The following NR2E1 variants were observed in gnomAD, a reference collection of about 807,000 sequenced individuals.
NR2E1 encodes the protein nuclear receptor subfamily 2 group E member 1, also known as nuclear receptor TLX.
NR2E1 carries 5 observed loss-of-function variants against 43.6 expected under a neutral mutation model. That is an observed-to-expected ratio of 0.11 (90% CI 0.06 to 0.24). The LOEUF (loss-of-function observed/expected upper bound fraction) is 0.24. NR2E1 is among the 10% of genes least tolerant of loss of function. The pLI, the probability that NR2E1 is intolerant of heterozygous loss-of-function variation, is 1.00. For missense variants in NR2E1, 287 were observed against 496.7 expected, an observed-to-expected ratio of 0.58 and a Z score of 4.01; for synonymous variants, 191 against 195.5, an observed-to-expected ratio of 0.98 and a Z score of 0.19.
chr6:108,167,099 C>T (rs1449681692), intron 1 of NR2E1, among the ~76,000 whole-genome samples: 1 of 152,038 alleles, frequency 6.6e-6, no homozygotes, highest in African/African-American at 2.4e-5. Context: ...ATGGGGGGGC[C>T]ATGGGGGCGG....
At chr6:108,185,563 G>A (rs758904058) in intron 8 of NR2E1, among the ~76,000 whole-genome samples, 1 of 152,024 alleles carries the variant, frequency 6.6e-6, no homozygotes, top group South Asian at 2.1e-4. Context: ...GGTGCCCAGC[G>A]AATTTTTGTA....
chr6:108,171,386 T>C, intron 1 of NR2E1, 72 bp from the exon 2 acceptor site: 1 of 1,530,260 alleles, frequency 6.5e-7, no homozygotes, highest in Non-Finnish European at 9.1e-7. Flanking sequence ...CCCTCTCCCC[T>C]TTTCTCCCTC....
At chr6:108,168,258 G>A (rs383319) in intron 1 of NR2E1, 828,807 of 1,313,690 alleles carry the variant, frequency 0.63, 266,550 homozygotes, top group African/African-American at 0.86. Flanking sequence ...CTGAGCCTCC[G>A]TTGCAAAAAC....
chr6:108,174,789 C>T (rs1773869613), intron 2 of NR2E1, 47 bp from the exon 3 acceptor site: 1 of 1,554,340 alleles, frequency 6.4e-7, no homozygotes, highest in African/African-American at 1.4e-5. Context: ...TCCGGGTCTC[C>T]AGCCTAAAGG....
chr6:108,171,519 G>A lies in NR2E1; in HGVS notation c.87G>A (p.Gly29=), dbSNP rs755411423. The A allele has an allele frequency of 2.5e-6, 4 of 1,614,012 alleles. No homozygotes were observed. The highest frequency in any genetic ancestry group is 1.6e-4 in the Middle Eastern group (1 of 6,062). Residue 29 remains glycine (G), a synonymous_variant, in exon 2 of 9, where the codon GGG becomes GGA. Transcript: ENST00000368986. ...ACCGCAGCTCGGGGAAGCACTACGGGGTCTACGCCTGCGACGGCTGCTCAG... is the reference window on the plus strand; with the variant it reads ...ACCGCAGCTCGGGGAAGCACTACGGAGTCTACGCCTGCGACGGCTGCTCAG... ...CGDRSSGKHY[G]VYACDGCSGF...
Position 108,169,976 on chromosome 6 carries a change from C to T in NR2E1, c.26-1482C>T, listed in dbSNP as rs553529352. On this transcript the variant is annotated intron_variant, in intron 1 of 8. Transcript: ENST00000368986. This position sits in a 1 kb window ranked among gnomAD's most constrained non-coding sequence, Gnocchi z 6.1. ...CCTCACCCCCAAGCACGGTCCCCCG[C>T]GCTCTCCTTCCCCCACCCCCTCCAC... is the stretch of plus-strand genomic sequence containing the variant. Among the ~76,000 whole-genome samples, 1 of 151,644 alleles carries T rather than the reference C, an allele frequency of 6.6e-6. No homozygotes were observed. The highest frequency in any genetic ancestry group is 1.5e-5 in the Non-Finnish European group (1 of 67,876).
intron 3 of NR2E1, 55 bp from the exon 4 acceptor site, chr6:108,176,448 G>T: frequency 7.7e-6 from 12 of 1,553,066 alleles, no homozygotes; most frequent in East Asian, 2.3e-5. Flanking sequence ...AGCCGCAGCG[G>T]CTGTGTCTCG....
chr6:108,168,115 C>G (rs1230805815), intron 1 of NR2E1: 1 of 1,603,774 alleles, frequency 6.2e-7, no homozygotes, highest in Non-Finnish European at 8.5e-7. Flanking sequence ...CTGGGTTTCC[C>G]TTTAGGCTCG....
chr6:108,167,643 G>A (rs537183052), intron 1 of NR2E1, among the ~76,000 whole-genome samples: 1 of 152,262 alleles, frequency 6.6e-6, no homozygotes, highest in South Asian at 2.1e-4. Context: ...GATCTCCCGG[G>A]GGCATTTCAG....
intron 4 of NR2E1, 112 bp from the exon 5 acceptor site, chr6:108,177,983 C>T (rs1262619587): frequency 2.5e-6 from 3 of 1,176,666 alleles, no homozygotes; most frequent in Non-Finnish European, 3.8e-6. Flanking sequence ...AACAAAACAT[C>T]CAAATTCTTT....
In NR2E1 at chr6:108,187,526, C is replaced by A; in HGVS notation, c.*63C>A. 1.9e-6 allele frequency: 3 copies of A among 1,549,120 alleles called. No individual in the cohort carries two copies. The highest frequency in any genetic ancestry group is 2.7e-6 in the Non-Finnish European group (3 of 1,123,128). ...CAGATGAACTTCAACCCATGGAGAA[C>A]AAGCCTCAACTAACAAACCCTTCAG... is the stretch of plus-strand genomic sequence containing the variant. On this transcript the variant is annotated 3_prime_UTR_variant, in exon 9 of 9. Coordinates refer to ENST00000368986, the MANE Select transcript of NR2E1 (RefSeq NM_003269.5).
chr6:108,166,967 G>C lies in NR2E1; in HGVS notation c.25+177G>C, dbSNP rs916402727. Among the ~76,000 whole-genome samples the C allele has an allele frequency of 1.3e-5, 2 of 152,176 alleles. No homozygotes were observed. Among genetic ancestry groups the C allele is most frequent in the Non-Finnish European group, 2.9e-5 (2 of 68,034 alleles). On this transcript the variant is annotated intron_variant, in intron 1 of 8. Transcript: ENST00000368986. The surrounding 1 kb of genome is among the most constrained non-coding windows in gnomAD (Gnocchi z 7.2). ...CGTGAGTTGGAGCATTTCGTGGAGA[G>C]GGGAGAGCCGTTTCGTTGCCTCTGG... is the stretch of plus-strand genomic sequence containing the variant.
At chr6:108,176,434 G>A (rs1773898289) in intron 3 of NR2E1, 69 bp from the exon 4 acceptor site, 6 of 1,495,262 alleles carry the variant, frequency 4.0e-6, no homozygotes, top group Non-Finnish European at 5.5e-6. Context: ...GGGGCTGGGG[G>A]GAGAGCCGCA....
At chr6:108,171,735 C>T (rs1773815646) in intron 2 of NR2E1, 132 bp downstream of exon 2, 2 of 1,167,508 alleles carry the variant, frequency 1.7e-6, no homozygotes, top group Non-Finnish European at 2.5e-6. Flanking sequence ...TTCCTCTCCC[C>T]TCCTTCTTGC....
intron 8 of NR2E1, among the ~76,000 whole-genome samples, chr6:108,186,952 A>G (rs1774085752): frequency 6.6e-6 from 1 of 152,208 alleles, no homozygotes; most frequent in South Asian, 2.1e-4. Context: ...CTTATCCTCA[A>G]TGCCCTGGTC....
Position 108,180,961 on chromosome 6 carries a change from G to A in NR2E1, c.889+5G>A, listed in dbSNP as rs1173510905. 5 of 1,614,074 alleles carry A rather than the reference G, an allele frequency of 3.1e-6. No individual in the cohort carries two copies. The highest frequency in any genetic ancestry group is 4.2e-6 in the Non-Finnish European group (5 of 1,180,008). ...GCATCGTCACTTTCAAAGCCGGTAAGCAGACACAGACCCCTGTTTCTTCTC... is the reference window on the plus strand; with the variant it reads ...GCATCGTCACTTTCAAAGCCGGTAAACAGACACAGACCCCTGTTTCTTCTC... On this transcript the variant is annotated splice_donor_5th_base_variant and intron_variant, in intron 7 of 8. Coordinates refer to ENST00000368986, the MANE Select transcript of NR2E1 (RefSeq NM_003269.5). The surrounding 1 kb of genome is among the most constrained non-coding windows in gnomAD (Gnocchi z 5.4).
chr6:108,168,190 G>C (rs780289685), intron 1 of NR2E1: 1 of 1,557,478 alleles, frequency 6.4e-7, no homozygotes, highest in South Asian at 1.2e-5. Flanking sequence ...TTTGTTGCCC[G>C]CATTCCCGGG....
At chr6:108,183,822 T>C (rs1477705081) in intron 8 of NR2E1, among the ~76,000 whole-genome samples, 1 of 152,242 alleles carries the variant, frequency 6.6e-6, no homozygotes, top group Admixed American at 6.5e-5. Context: ...GCATATTGAA[T>C]TACAGAATAT....
chr6:108,176,423 C>T (rs1241829165), intron 3 of NR2E1, 80 bp from the exon 4 acceptor site: 2 of 1,419,358 alleles, frequency 1.4e-6, no homozygotes, highest in African/African-American at 1.4e-5. Context: ...GACATTGGGG[C>T]GGGGCTGGGG....
Sources: allele counts gnomAD v4.1 joint callset (sites outside exome capture counted in the v4.1 genomes callset), GRCh38; gene constraint gnomAD v4.1.1; non-coding constraint Gnocchi (gnomAD v3.1); transcripts MANE v1.5; gene names NCBI Gene and HGNC (gene_info 2026-07-23, HGNC 2026-07-21).